Variants in NAPSA observed in about 807,000 individuals in gnomAD.
NAPSA encodes napsin A aspartic peptidase.
Under a neutral mutation model 36.7 loss-of-function variants are expected in NAPSA, and 37 were observed. The ratio of observed to expected loss-of-function variants is 1.01; its 90% confidence interval spans 0.78 to 1.33. NAPSA has a LOEUF of 1.33. Ranked by LOEUF, NAPSA falls within the 40% of genes most tolerant of loss-of-function variation. The pLI is 0.00. For synonymous variants in NAPSA, 222 were observed against 234.5 expected, an observed-to-expected ratio of 0.95 and a Z score of 0.49; for missense variants, 532 against 543.8, an observed-to-expected ratio of 0.98 and a Z score of 0.21.
At position 50,360,986 on chromosome 19, in the gene NAPSA, T is replaced by C; in HGVS notation, c.623A>G (p.Glu208Gly). Residue 208 changes from glutamate (E) to glycine (G), a missense_variant, in exon 5 of 9, where the codon GAG becomes GGG. By Grantham distance (98) the Glu-to-Gly change is moderately conservative. Transcript: ENST00000253719. ...GVRPPMDVLV[E>G]QGLLDKPVFS... Reference sequence around the variant, plus strand: ...GACAGGCTTATCCAATAGCCCCTGCTCCACCAGTACATCCATCGGGGGCCG... The same window carrying C: ...GACAGGCTTATCCAATAGCCCCTGCCCCACCAGTACATCCATCGGGGGCCG... 6.2e-7 allele frequency: 1 copy of C among 1,614,098 alleles called. No homozygotes were observed.
In NAPSA at chr19:50,363,965, G is replaced by C. The variant is rs115425744; in HGVS notation, c.83+1574C>G. Among the ~76,000 whole-genome samples the C allele has an allele frequency of 7.1e-3, 1,086 of 152,204 alleles. 13 individuals carry two copies. The highest frequency in any genetic ancestry group is 0.025 in the African/African-American group (1,040 of 41,522). On this transcript the variant is annotated intron_variant, in intron 1 of 8. Coordinates refer to ENST00000253719, the MANE Select transcript of NAPSA (RefSeq NM_004851.3). Reference sequence around the variant, plus strand: ...TCGAAGATGGGAGGAGTGTGTCACAGGTCTGGAAACCACAGTACCTAATCA... The same window carrying C: ...TCGAAGATGGGAGGAGTGTGTCACACGTCTGGAAACCACAGTACCTAATCA...
chr19:50,361,033 G>T lies in NAPSA; in HGVS notation c.576C>A (p.Pro192=). Residue 192 remains proline (P), a synonymous_variant, in exon 5 of 9, where the codon CCC becomes CCA. Coordinates refer to ENST00000253719, the MANE Select transcript of NAPSA (RefSeq NM_004851.3). ...HFDGILGLGF[P]ILSVEGVRPP... The stretch of plus-strand genomic sequence containing the variant: ...GCCGAACTCCTTCCACAGACAGAAT[G>T]GGAAAACCGAGGCCCAATATCCCAT... The T allele has an allele frequency of 1.2e-6, 2 of 1,614,142 alleles. No individual in the cohort carries two copies. Among genetic ancestry groups the T allele is most frequent in the Middle Eastern group, 1.6e-4 (1 of 6,062 alleles).
upstream of NAPSA, chr19:50,365,776 A>G (rs2037542595): frequency 3.3e-6 from 2 of 598,172 alleles, no homozygotes; most frequent in East Asian, 5.8e-5. Context: ...TGTTTTTTGA[A>G]GATTTGTGCA....
At position 50,360,960 on chromosome 19, in the gene NAPSA, A is replaced by C; in HGVS notation, c.649T>G (p.Phe217Val). 6.2e-7 allele frequency: 1 copy of C among 1,614,088 alleles called. No homozygotes were observed. Among genetic ancestry groups the C allele is most frequent in the Non-Finnish European group, 8.5e-7 (1 of 1,180,004 alleles). ...CAGTACCTGTTGAGGTAAAAGGAGA[A>C]GACAGGCTTATCCAATAGCCCCTGC... ...VEQGLLDKPV[F>V]SFYLNRDPEE... Residue 217 changes from phenylalanine to valine, a missense_variant, in exon 5 of 9, where the codon TTC becomes GTC. Phe to Val is a conservative substitution (Grantham distance 50). Transcript: ENST00000253719.
upstream of NAPSA, among the ~76,000 whole-genome samples, chr19:50,366,682 T>TTTAC: frequency 6.7e-6 from 1 of 150,254 alleles, no homozygotes; most frequent in Non-Finnish European, 1.5e-5. Flanking sequence ...TATTTATTTA[T>TTTAC]TTATTTAGAT....
At chr19:50,366,193 T>G (rs573626273), upstream of NAPSA, among the ~76,000 whole-genome samples, 1 of 152,110 alleles carries the variant, frequency 6.6e-6, no homozygotes, top group Non-Finnish European at 1.5e-5. Context: ...TTTTTGGTTT[T>G]TTTTTTTTTG....
chr19:50,363,498 A>C (rs1275080002), intron 1 of NAPSA, among the ~76,000 whole-genome samples: 5 of 152,120 alleles, frequency 3.3e-5, no homozygotes, highest in African/African-American at 1.2e-4. Context: ...CTCCCACCTC[A>C]GCCTCTGGAG....
At chr19:50,359,332 G>A (rs2037440260) in intron 7 of NAPSA, 171 bp downstream of exon 7, 3 of 950,896 alleles carry the variant, frequency 3.2e-6, no homozygotes, top group Non-Finnish European at 4.7e-6. Flanking sequence ...TAGACACGTG[G>A]AAAGTGTCCT....
chr19:50,368,818 T>C (rs113323053), upstream of NAPSA, among the ~76,000 whole-genome samples: 4,059 of 152,326 alleles, frequency 0.027, 177 homozygotes, highest in African/African-American at 0.09. Context: ...GCTGGACCCC[T>C]GGAACACCAG....
In NAPSA at chr19:50,361,693, T is replaced by C. The variant is rs1158900760; in HGVS notation, c.438A>G (p.Val146=). ...GCTTGTCCTCGCTCAGGATTCCATC[T>C]ACCCGCCCAGTTCCATATTGAATGG... ...KFAIQYGTGR[V]DGILSEDKLT... The change falls in exon 4 of 9, where the codon GTA becomes GTG. Residue 146 remains valine (V), a synonymous_variant. Coordinates refer to ENST00000253719, the MANE Select transcript of NAPSA (RefSeq NM_004851.3). 6.2e-7 allele frequency: 1 copy of C among 1,614,072 alleles called. No homozygotes were observed. The highest frequency in any genetic ancestry group is 1.1e-5 in the South Asian group (1 of 91,080).
intron 4 of NAPSA, chr19:50,361,413 G>T (rs1233345563): frequency 5.2e-6 from 3 of 579,294 alleles, no homozygotes; most frequent in Non-Finnish European, 9.1e-6. Flanking sequence ...CCCTGCTTGA[G>T]AAGCCCCACC....
chr19:50,368,157 C>CAAAA (rs56938224), upstream of NAPSA, among the ~76,000 whole-genome samples: 1 of 64,178 alleles, frequency 1.6e-5, no homozygotes, highest in Non-Finnish European at 2.9e-5. Context: ...GACTCCCTCT[C>CAAAA]AAAAAAAAAA....
At chr19:50,366,033 A>T (rs991262326), upstream of NAPSA, 2 of 160,762 alleles carry the variant, frequency 1.2e-5, no homozygotes, top group African/African-American at 4.8e-5. Context: ...GGAAGGGAGA[A>T]AGGACATGAT....
upstream of NAPSA, among the ~76,000 whole-genome samples, chr19:50,366,894 C>T (rs907050865): frequency 1.5e-4 from 22 of 149,988 alleles, no homozygotes; most frequent in African/African-American, 4.0e-4. Flanking sequence ...AGTGTAATGG[C>T]GCCATCTTGG....
At position 50,361,155 on chromosome 19, in the gene NAPSA, A is replaced by G; in HGVS notation, c.469-15T>C. ...ATTCCACCAATCTAGGGGTAGATTG[A>G]GATGTGACCAGTTACTTTTGGGAGG... On this transcript the variant is annotated splice_polypyrimidine_tract_variant and intron_variant, in intron 4 of 8. Coordinates refer to ENST00000253719, the MANE Select transcript of NAPSA (RefSeq NM_004851.3). 1 of 1,606,174 alleles carries G rather than the reference A, an allele frequency of 6.2e-7. No individual in the cohort carries two copies. The highest frequency in any genetic ancestry group is 1.1e-5 in the South Asian group (1 of 90,952).
intron 1 of NAPSA, chr19:50,362,718 C>G (rs1266776810): frequency 1.9e-5 from 3 of 157,358 alleles, no homozygotes; most frequent in African/African-American, 7.2e-5. Context: ...ATGTAAGCGT[C>G]AAATCTTAAT....
intron 8 of NAPSA, 83 bp downstream of exon 8, chr19:50,358,928 T>A (rs2037432383): frequency 7.2e-7 from 1 of 1,393,540 alleles, no homozygotes; most frequent in East Asian, 2.3e-5. Context: ...TGTGGCCCCT[T>A]CCCTTCCTAG....
upstream of NAPSA, among the ~76,000 whole-genome samples, chr19:50,366,796 T>C (rs1243081566): frequency 6.6e-6 from 1 of 151,216 alleles, no homozygotes; most frequent in African/African-American, 2.4e-5. Context: ...GCCTCCCGAG[T>C]AGCTGGGACT....
upstream of NAPSA, among the ~76,000 whole-genome samples, chr19:50,366,643 T>C (rs76236475): frequency 0.011 from 1,597 of 150,346 alleles, 29 homozygotes; most frequent in African/African-American, 0.034. Context: ...TGGGCATTGA[T>C]GAGTTATTTA....
Sources: gnomAD v4.1 joint callset for allele counts (sites outside exome capture counted in the v4.1 genomes callset) on GRCh38, gnomAD v4.1.1 for gene constraint, MANE v1.5 for transcripts, NCBI Gene and HGNC (gene_info 2026-07-23, HGNC 2026-07-21) for gene names.